The following PEX13 variants were observed in gnomAD, a reference collection of about 807,000 sequenced individuals.
The protein encoded by PEX13 is peroxisome biogenesis factor 13.
Under a neutral mutation model 34.5 loss-of-function variants are expected in PEX13, and 28 were observed. The ratio of observed to expected loss-of-function variants is 0.81; its 90% CI spans 0.60 to 1.11. The LOEUF is 1.11. PEX13 is among the 50% of genes most tolerant of loss of function. The probability of loss-of-function intolerance (pLI) is 0.00; values close to 1 mark genes in which losing one functional copy is unlikely to be tolerated. For missense variants in PEX13, 550 were observed against 491.0 expected (o/e 1.12, Z -1.13); for synonymous variants, 177 against 175.1 (o/e 1.01, Z -0.09).
At chr2:61,023,402 G>GAC (rs70959888) in intron 1 of PEX13, among the ~76,000 whole-genome samples, 48,205 of 146,616 alleles carry the variant, frequency 0.33, 7,850 homozygotes, top group Middle Eastern at 0.48. Context: ...GGAATATACA[G>GAC]ACACACACAC....
At chr2:61,026,921 G>A (rs1250783989) in intron 1 of PEX13, among the ~76,000 whole-genome samples, 1 of 151,930 alleles carries the variant, frequency 6.6e-6, no homozygotes, top group Non-Finnish European at 1.5e-5. Flanking sequence ...TTGGAGTTCT[G>A]TTTTCTCTCC....
chr2:61,032,239 C>T, intron 2 of PEX13, 126 bp downstream of exon 2: 1 of 745,556 alleles, frequency 1.3e-6, no homozygotes, highest in Non-Finnish European at 2.2e-6. Flanking sequence ...CAGTTAAGAG[C>T]TTCAAAACTG....
At chr2:61,029,133 T>C (rs1487243135) in intron 1 of PEX13, among the ~76,000 whole-genome samples, 1 of 59,352 alleles carries the variant, frequency 1.7e-5, no homozygotes, top group East Asian at 4.5e-4. Context: ...AGGGAGACCC[T>C]GTCTCCAAAA....
chr2:61,024,636 C>T (rs902533439), intron 1 of PEX13, among the ~76,000 whole-genome samples: 2 of 152,098 alleles, frequency 1.3e-5, no homozygotes, highest in Non-Finnish European at 2.9e-5. Flanking sequence ...GGTGAAGCCC[C>T]GTCTCTACTG....
Position 61,023,469 on chromosome 2 carries a change from G to T in PEX13, c.92+5618G>T, listed in dbSNP as rs371737483. On this transcript the variant is annotated intron_variant, in intron 1 of 3. Coordinates refer to ENST00000295030, the MANE Select transcript of PEX13 (RefSeq NM_002618.4). ...TCCTGCTTAGTATCCACAGTATTCA[G>T]TCTGAGGATTCATTTCTTTTTTTAA... 4.2e-4 allele frequency among the ~76,000 whole-genome samples: 64 copies of T among 151,642 alleles called. 1 individual carries two copies. The South Asian group carries it at 0.013, about 31-fold the overall frequency.
intron 2 of PEX13, among the ~76,000 whole-genome samples, chr2:61,038,696 A>G (rs956923831): frequency 1.3e-5 from 2 of 152,230 alleles, no homozygotes; most frequent in Non-Finnish European, 2.9e-5. Flanking sequence ...AAACCAGCAC[A>G]AGACAAGGAT....
intron 3 of PEX13, among the ~76,000 whole-genome samples, chr2:61,047,996 C>T (rs1003462819): frequency 3.3e-5 from 5 of 151,992 alleles, no homozygotes; most frequent in African/African-American, 1.2e-4. Flanking sequence ...TTACTGTCTT[C>T]AGGATTGTTT....
chr2:61,031,281 G>GA, intron 1 of PEX13, 138 bp from the exon 2 acceptor site: 1 of 733,022 alleles, frequency 1.4e-6, no homozygotes. Flanking sequence ...AACAGAGTGA[G>GA]ACCCTGTCTC....
intron 2 of PEX13, among the ~76,000 whole-genome samples, chr2:61,041,520 A>G (rs963695941): frequency 3.3e-5 from 5 of 152,220 alleles, no homozygotes; most frequent in Non-Finnish European, 5.9e-5. Context: ...GAACTGAGAA[A>G]AGATTATTAG....
chr2:61,024,071 A>G (rs1309727303), intron 1 of PEX13, among the ~76,000 whole-genome samples: 1 of 152,186 alleles, frequency 6.6e-6, no homozygotes, highest in Non-Finnish European at 1.5e-5. Context: ...TGCTGGGATT[A>G]CAGGCATGAG....
chr2:61,026,582 G>T (rs1227407280), intron 1 of PEX13, among the ~76,000 whole-genome samples: 1 of 151,294 alleles, frequency 6.6e-6, no homozygotes, highest in South Asian at 2.1e-4. Flanking sequence ...TCCTGACATT[G>T]TGATCCACCC....
intron 1 of PEX13, among the ~76,000 whole-genome samples, chr2:61,022,165 G>T (rs1454341102): frequency 1.3e-5 from 2 of 152,212 alleles, no homozygotes; most frequent in African/African-American, 4.8e-5. Context: ...AACAAAGCTG[G>T]ACAGAGAATG....
chr2:61,044,678 G>C (rs769917377), intron 2 of PEX13, among the ~76,000 whole-genome samples: 19 of 152,178 alleles, frequency 1.2e-4, no homozygotes, highest in Non-Finnish European at 2.4e-4. Flanking sequence ...GAACCACCAC[G>C]CCTGACCTAT....
rs1573563315 is a variant in PEX13, at chr2:61,050,891, G to A, written c.*2121G>A. 1 of 152,308 alleles carries A rather than the reference G, an allele frequency of 6.6e-6. No individual in the cohort carries two copies. Among genetic ancestry groups the A allele is most frequent in the African/African-American group, 2.4e-5 (1 of 41,454 alleles). The allele number at this position is 152,308 out of a possible 1,614,324, so 9.4% of individuals were successfully genotyped here. On this transcript the variant is annotated 3_prime_UTR_variant, in exon 4 of 4. Transcript: ENST00000295030. The stretch of plus-strand genomic sequence containing the variant: ...CCGCTTCGGTCTCCCAAAGTGTTGG[G>A]ATTACAGGCGTGAGCCACCGCACCC...
At chr2:61,032,865 A>G (rs1367770312) in intron 2 of PEX13, among the ~76,000 whole-genome samples, 1 of 152,224 alleles carries the variant, frequency 6.6e-6, no homozygotes, top group Non-Finnish European at 1.5e-5. Context: ...CAGCTTGAAC[A>G]AAAGTATATA....
chr2:61,045,793 C>T lies in PEX13; in HGVS notation c.855C>T (p.Ala285=), dbSNP rs1438696242. 2 of 1,611,734 alleles carry T rather than the reference C, an allele frequency of 1.2e-6. No homozygotes were observed. The highest frequency in any genetic ancestry group is 1.7e-6 in the Non-Finnish European group (2 of 1,177,948). ...VVARAEYDFA[A]VSEEEISFRA... ...CCAGAGCAGAATATGATTTTGCTGCCGTATCTGAAGAAGAAATTTCTTTCC... is the reference window on the plus strand; with the variant it reads ...CCAGAGCAGAATATGATTTTGCTGCTGTATCTGAAGAAGAAATTTCTTTCC... Residue 285 remains alanine, a synonymous_variant, in exon 3 of 4, where the codon GCC becomes GCT. Transcript: ENST00000295030.
intron 2 of PEX13, among the ~76,000 whole-genome samples, chr2:61,041,306 G>A (rs1159653233): frequency 6.6e-6 from 1 of 152,082 alleles, no homozygotes; most frequent in East Asian, 1.9e-4. Flanking sequence ...TCCAGTTTGG[G>A]TGACACAGCA....
At chr2:61,031,335 G>C in intron 1 of PEX13, 84 bp from the exon 2 acceptor site, 1 of 952,210 alleles carries the variant, frequency 1.1e-6, no homozygotes, top group South Asian at 1.4e-5. Flanking sequence ...CATAGCACCA[G>C]GTATATAGGA....
chr2:61,033,652 T>C (rs1048810714), intron 2 of PEX13, among the ~76,000 whole-genome samples: 6 of 151,698 alleles, frequency 4.0e-5, no homozygotes, highest in African/African-American at 1.5e-4. Flanking sequence ...ATTTTGGGAG[T>C]GTCAGGAGGA....
Sources: gnomAD v4.1 joint callset for allele counts (sites outside exome capture counted in the v4.1 genomes callset) on GRCh38, gnomAD v4.1.1 for gene constraint, MANE v1.5 for transcripts, NCBI Gene and HGNC (gene_info 2026-07-23, HGNC 2026-07-21) for gene names.